PKIB: variants seen among roughly 807,000 people sequenced by gnomAD.
PKIB encodes the protein cAMP-dependent protein kinase inhibitor beta, also known as PKI-beta.
A neutral mutation model predicts 4.5 loss-of-function variants in PKIB; 2 were observed. That is an observed-to-expected ratio of 0.44 (90% CI 0.18 to 1.39). PKIB has a LOEUF of 1.39. Among genes scored for constraint, PKIB ranks in the 40% most tolerant of loss-of-function variants. The pLI is 0.27. For missense variants in PKIB, 94 were observed against 92.6 expected (o/e 1.02, Z -0.06); for synonymous variants, 38 against 36.0 (o/e 1.06, Z -0.20).
In PKIB at chr6:122,717,802, C is replaced by T. The variant is rs2115074453; in HGVS notation, c.8C>T (p.Thr3Ile). The T allele has an allele frequency of 6.2e-7, 1 of 1,614,024 alleles. No individual in the cohort carries two copies. The highest frequency in any genetic ancestry group is 1.7e-5 in the Admixed American group (1 of 60,014). MRTDSSKMTDVES... is the reference protein window; with the variant it reads MRIDSSKMTDVES... ...CTATTTGTAGATGTTGCTATGAGGA[C>T]AGATTCATCAAAAATGACTGACGTG... The change falls in exon 4 of 5, where the codon ACA (threonine) becomes ATA (isoleucine). Residue 3 changes from threonine (T) to isoleucine (I), a missense_variant. Coordinates refer to ENST00000368452, the MANE Select transcript of PKIB (RefSeq NM_181795.3).
At chr6:122,609,006 A>G (rs1295578104), upstream of PKIB, among the ~76,000 whole-genome samples, 4 of 151,908 alleles carry the variant, frequency 2.6e-5, no homozygotes, top group African/African-American at 7.2e-5. Flanking sequence ...CCTTAGCAGT[A>G]TGCCAGATAA....
At chr6:122,471,937 A>G (rs901506083) in exon 1 of PKIB, 9 of 1,224,602 alleles carry the variant, frequency 7.3e-6, no homozygotes, top group Non-Finnish European at 8.7e-6. Context: ...GCGCGTCACT[A>G]GACGACACGG....
At chr6:122,497,866 T>A (rs534738540) in intron 2 of PKIB, among the ~76,000 whole-genome samples, 104 of 152,248 alleles carry the variant, frequency 6.8e-4, no homozygotes, top group African/African-American at 2.4e-3. Context: ...CTGGACACAA[T>A]AGGCATCTAC....
At chr6:122,670,762 A>T (rs1044273037) in intron 2 of PKIB, among the ~76,000 whole-genome samples, 1 of 152,220 alleles carries the variant, frequency 6.6e-6, no homozygotes, top group East Asian at 1.9e-4. Context: ...ATGAATGCAC[A>T]TCATTTTCAA....
chr6:122,597,033 T>G (rs1350493125), intron 3 of PKIB, among the ~76,000 whole-genome samples: 1 of 152,182 alleles, frequency 6.6e-6, no homozygotes, highest in African/African-American at 2.4e-5. Context: ...TCCTTCACTT[T>G]AGAAAGAATA....
chr6:122,497,446 G>A (rs1776105469), intron 2 of PKIB, among the ~76,000 whole-genome samples: 1 of 152,146 alleles, frequency 6.6e-6, no homozygotes, highest in Non-Finnish European at 1.5e-5. Context: ...GGATAGAAAA[G>A]CAAGACCCAT....
intron 2 of PKIB, among the ~76,000 whole-genome samples, chr6:122,577,543 GA>G (rs1176470996): frequency 1.3e-5 from 2 of 151,844 alleles, no homozygotes; most frequent in South Asian, 2.1e-4. Context: ...CAATATCCAT[GA>G]AAAAAAGAAA....
At chr6:122,474,777 A>G (rs1775410951) in intron 1 of PKIB, among the ~76,000 whole-genome samples, 1 of 152,238 alleles carries the variant, frequency 6.6e-6, no homozygotes, top group Non-Finnish European at 1.5e-5. Context: ...TTTCCTTAGA[A>G]GATAGTCCAG....
intron 2 of PKIB, among the ~76,000 whole-genome samples, chr6:122,495,840 T>G (rs1442893515): frequency 6.6e-6 from 1 of 152,146 alleles, no homozygotes; most frequent in Non-Finnish European, 1.5e-5. Context: ...CAGAGAGTGG[T>G]GAAACAGGTG....
chr6:122,475,688 A>C (rs914227675), intron 1 of PKIB, among the ~76,000 whole-genome samples: 2 of 152,162 alleles, frequency 1.3e-5, no homozygotes, highest in Admixed American at 6.5e-5. Context: ...CAAGAGGCCG[A>C]GGCAGGAGAA....
At chr6:122,498,177 A>G (rs1776128550) in intron 2 of PKIB, among the ~76,000 whole-genome samples, 1 of 152,212 alleles carries the variant, frequency 6.6e-6, no homozygotes, top group African/African-American at 2.4e-5. Flanking sequence ...TACAAAAGAA[A>G]GGTGTATTGG....
intron 4 of PKIB, 97 bp from the exon 5 acceptor site, chr6:122,725,031 T>A (rs1413962432): frequency 1.1e-6 from 1 of 926,822 alleles, no homozygotes. Context: ...GGGCAAAATA[T>A]GGACGGTGGA....
At chr6:122,514,676 G>C (rs1255003430) in intron 2 of PKIB, among the ~76,000 whole-genome samples, 1 of 152,214 alleles carries the variant, frequency 6.6e-6, no homozygotes, top group Non-Finnish European at 1.5e-5. Flanking sequence ...TTGCTTTAGA[G>C]AGTAGTGGGT....
At chr6:122,524,252 T>G (rs923396831) in intron 2 of PKIB, among the ~76,000 whole-genome samples, 2 of 149,702 alleles carry the variant, frequency 1.3e-5, no homozygotes, top group Admixed American at 1.3e-4. Flanking sequence ...CTTCTTTTTC[T>G]TTTCCTCTTC....
chr6:122,472,954 T>C (rs1234339566), intron 1 of PKIB, among the ~76,000 whole-genome samples: 2 of 151,896 alleles, frequency 1.3e-5, no homozygotes, highest in Admixed American at 1.3e-4. Flanking sequence ...CTACTAAAAA[T>C]ACAAAAAATT....
At chr6:122,715,493 A>G (rs1040260640) in intron 3 of PKIB, among the ~76,000 whole-genome samples, 11 of 152,036 alleles carry the variant, frequency 7.2e-5, no homozygotes, top group Middle Eastern at 3.4e-3. Flanking sequence ...GAAGAGATCT[A>G]ACTGAAATTA....
chr6:122,504,297 C>T (rs1410212233), intron 2 of PKIB, among the ~76,000 whole-genome samples: 2 of 152,148 alleles, frequency 1.3e-5, no homozygotes, highest in Non-Finnish European at 2.9e-5. Context: ...TCTTTATAAT[C>T]AACTAAATGC....
chr6:122,610,970 G>A (rs1376532833), intron 1 of PKIB, among the ~76,000 whole-genome samples: 3 of 152,242 alleles, frequency 2.0e-5, no homozygotes, highest in Non-Finnish European at 4.4e-5. Flanking sequence ...AGAGACCCGA[G>A]TACTAACCCG....
intron 2 of PKIB, among the ~76,000 whole-genome samples, chr6:122,582,373 A>G (rs1169198441): frequency 6.6e-6 from 1 of 152,014 alleles, no homozygotes; most frequent in Non-Finnish European, 1.5e-5. Context: ...TTAACAACCC[A>G]TCCAGTTGTT....
Sources: allele counts gnomAD v4.1 joint callset (sites outside exome capture counted in the v4.1 genomes callset), GRCh38; gene constraint gnomAD v4.1.1; transcripts MANE v1.5; gene names NCBI Gene and HGNC (gene_info 2026-07-23, HGNC 2026-07-21).